Variants in TMEM178B observed in about 807,000 individuals in gnomAD.
The protein encoded by TMEM178B is transmembrane protein 178B.
TMEM178B carries 5 observed loss-of-function variants against 31.0 expected under a neutral mutation model. The observed-to-expected ratio is 0.16, with a 90% CI of 0.08 to 0.34. TMEM178B has a LOEUF of 0.34. Among genes scored for constraint, TMEM178B ranks in the 10% least tolerant of loss-of-function variants. The pLI, the probability that TMEM178B is intolerant of heterozygous loss-of-function variation, is 1.00. For missense variants in TMEM178B, 275 were observed against 400.3 expected (o/e 0.69, Z 2.67); for synonymous variants, 164 against 164.0 (o/e 1.00, Z 0.00).
At chr7:141,259,440 C>G (rs1241759769) in intron 2 of TMEM178B, among the ~76,000 whole-genome samples, 1 of 152,110 alleles carries the variant, frequency 6.6e-6, no homozygotes, top group African/African-American at 2.4e-5. Context: ...TGTTTAGAGT[C>G]ATTTTATATT....
the TMEM178B span, among the ~76,000 whole-genome samples, chr7:141,495,886 A>G: frequency 6.6e-6 from 1 of 152,226 alleles, no homozygotes; most frequent in African/African-American, 2.4e-5. Context: ...CACAGTTGAG[A>G]GTCGCCCTGG....
At chr7:141,347,721 C>T (rs1020959721) in intron 2 of TMEM178B, among the ~76,000 whole-genome samples, 4 of 152,164 alleles carry the variant, frequency 2.6e-5, no homozygotes, top group South Asian at 2.1e-4. Context: ...CCCCACCCCC[C>T]GTCTGCCTTC....
intron 2 of TMEM178B, among the ~76,000 whole-genome samples, chr7:141,246,638 GA>G: frequency 6.6e-6 from 1 of 152,256 alleles, no homozygotes; most frequent in African/African-American, 2.4e-5. Context: ...GTTAAAACTG[GA>G]AAAAATTTGT....
At chr7:141,455,172 T>C (rs889725177) in intron 3 of TMEM178B, among the ~76,000 whole-genome samples, 9 of 152,210 alleles carry the variant, frequency 5.9e-5, no homozygotes, top group Non-Finnish European at 1.2e-4. Context: ...CTCTCTATCC[T>C]AATCCTTATA....
chr7:141,257,102 G>A (rs1438682978), intron 2 of TMEM178B, among the ~76,000 whole-genome samples: 1 of 152,196 alleles, frequency 6.6e-6, no homozygotes, highest in Non-Finnish European at 1.5e-5. Flanking sequence ...ATCCAAGAAA[G>A]GAGACTAAAA....
intron 2 of TMEM178B, among the ~76,000 whole-genome samples, chr7:141,311,893 G>A (rs1360261243): frequency 6.6e-6 from 1 of 152,200 alleles, no homozygotes; most frequent in Non-Finnish European, 1.5e-5. Context: ...CTGGGATTTA[G>A]GATGTAGAAG....
chr7:141,413,999 C>T (rs570048829), intron 2 of TMEM178B, among the ~76,000 whole-genome samples: 16 of 151,736 alleles, frequency 1.1e-4, no homozygotes, highest in Non-Finnish European at 2.4e-4. Context: ...ATTATAATTA[C>T]GTATCCAGGA....
At chr7:141,233,062 T>G (rs899433746) in intron 2 of TMEM178B, among the ~76,000 whole-genome samples, 2 of 152,186 alleles carry the variant, frequency 1.3e-5, no homozygotes, top group Non-Finnish European at 2.9e-5. Flanking sequence ...AATGTGGTCA[T>G]CCTGGAGAAG....
At chr7:141,432,146 C>CTTTGTTTTTTTTTT (rs1801443658) in intron 2 of TMEM178B, among the ~76,000 whole-genome samples, 1 of 79,082 alleles carries the variant, frequency 1.3e-5, no homozygotes, top group Non-Finnish European at 2.3e-5. Flanking sequence ...TTCACTGCAT[C>CTTTGTTTTTTTTTT]TTTTTTTTTT....
chr7:141,451,706 G>A (rs1254617400), intron 3 of TMEM178B, among the ~76,000 whole-genome samples: 1 of 152,188 alleles, frequency 6.6e-6, no homozygotes, highest in African/African-American at 2.4e-5. Flanking sequence ...ATTTCTTAGA[G>A]AAATAGGAAA....
At position 141,266,572 on chromosome 7, in the gene TMEM178B, C is replaced by T. The variant is rs1798097911; in HGVS notation, c.496+53868C>T. On this transcript the variant is annotated intron_variant, in intron 2 of 3. Coordinates refer to ENST00000565468, the MANE Select transcript of TMEM178B (RefSeq NM_001195278.2). ...AGGTGTGGTTCCTGCAGGCTTTTGG[C>T]TTAAGGAAGTCTGTGAGAGTCTTCC... is the stretch of plus-strand genomic sequence containing the variant. Among the ~76,000 whole-genome samples the T allele has an allele frequency of 2.0e-5, 3 of 152,248 alleles. No individual in the cohort carries two copies. The South Asian group carries it at 6.2e-4, about 32-fold the overall frequency.
At chr7:141,409,090 C>A (rs1464966126) in intron 2 of TMEM178B, among the ~76,000 whole-genome samples, 1 of 152,092 alleles carries the variant, frequency 6.6e-6, no homozygotes, top group Non-Finnish European at 1.5e-5. Flanking sequence ...CAGTGGGGAG[C>A]CACTGAAGGA....
At chr7:141,419,029 T>C (rs924645507) in intron 2 of TMEM178B, among the ~76,000 whole-genome samples, 3 of 152,170 alleles carry the variant, frequency 2.0e-5, no homozygotes, top group Admixed American at 6.5e-5. Context: ...TGCCTCAGCC[T>C]ACCGAATAGC....
At chr7:141,451,480 G>C (rs1375040778) in intron 3 of TMEM178B, among the ~76,000 whole-genome samples, 1 of 152,178 alleles carries the variant, frequency 6.6e-6, no homozygotes, top group African/African-American at 2.4e-5. Context: ...CTGGAATTCA[G>C]ACTCAAATCT....
intron 2 of TMEM178B, among the ~76,000 whole-genome samples, chr7:141,408,471 T>C (rs1447699320): frequency 6.6e-6 from 1 of 152,178 alleles, no homozygotes; most frequent in Non-Finnish European, 1.5e-5. Context: ...GGCCTAAGAA[T>C]TTTCATTTCT....
At chr7:141,280,222 G>A (rs568878234) in intron 2 of TMEM178B, among the ~76,000 whole-genome samples, 63 of 151,954 alleles carry the variant, frequency 4.1e-4, no homozygotes, top group African/African-American at 1.4e-3. Flanking sequence ...TTCATTGAAT[G>A]AGTTGAAAGA....
At chr7:141,393,773 G>A (rs569877597) in intron 2 of TMEM178B, among the ~76,000 whole-genome samples, 24 of 152,324 alleles carry the variant, frequency 1.6e-4, no homozygotes, top group African/African-American at 5.3e-4. Flanking sequence ...CCTTCAGGGA[G>A]CCGTGTTTGG....
chr7:141,298,536 G>A (rs939502140), intron 2 of TMEM178B, among the ~76,000 whole-genome samples: 2 of 152,166 alleles, frequency 1.3e-5, no homozygotes, highest in African/African-American at 4.8e-5. Flanking sequence ...GACCAACATT[G>A]GGTAGAATTC....
intron 1 of TMEM178B, among the ~76,000 whole-genome samples, chr7:141,165,337 A>G (rs1454052431): frequency 6.6e-6 from 1 of 152,174 alleles, no homozygotes; most frequent in African/African-American, 2.4e-5. Context: ...CAGGCATTGC[A>G]TAGAAAGCTC....
Sources: gnomAD v4.1 joint callset for allele counts (sites outside exome capture counted in the v4.1 genomes callset) on GRCh38, gnomAD v4.1.1 for gene constraint, MANE v1.5 for transcripts, NCBI Gene and HGNC (gene_info 2026-07-23, HGNC 2026-07-21) for gene names.